The following DGCR2 variants were observed in gnomAD, a reference collection of about 807,000 sequenced individuals.
The protein encoded by DGCR2 is DiGeorge syndrome critical region gene 2.
Under a neutral mutation model 51.6 loss-of-function variants are expected in DGCR2, and 24 were observed. That is an observed-to-expected ratio of 0.47 (90% CI 0.34 to 0.65). DGCR2 has a LOEUF of 0.65. Among genes scored for constraint, DGCR2 ranks in the 30% least tolerant of loss-of-function variants. The pLI is 0.01. For synonymous variants in DGCR2, 340 were observed against 315.4 expected (o/e 1.08, Z -0.82); for missense variants, 765 against 772.1 (o/e 0.99, Z 0.11).
chr22:19,053,441 GAAC>G (rs1413978077), intron 6 of DGCR2, among the ~76,000 whole-genome samples: 1 of 152,130 alleles, frequency 6.6e-6, no homozygotes, highest in Admixed American at 6.6e-5. Context: ...CCTCCACCCA[GAAC>G]AACAATGCTG....
At chr22:19,042,802 C>T (rs868440972) in intron 7 of DGCR2, among the ~76,000 whole-genome samples, 1 of 152,162 alleles carries the variant, frequency 6.6e-6, no homozygotes, top group Non-Finnish European at 1.5e-5. Flanking sequence ...TGTGGGCAGC[C>T]GCACGGTCAA....
At chr22:19,074,587 G>A (rs560282466) in intron 2 of DGCR2, among the ~76,000 whole-genome samples, 3 of 152,006 alleles carry the variant, frequency 2.0e-5, no homozygotes, top group East Asian at 1.9e-4. Context: ...CTAAAACCAC[G>A]GAATTTAAAG....
intron 1 of DGCR2, among the ~76,000 whole-genome samples, chr22:19,100,509 C>CA (rs1234538053): frequency 1.3e-5 from 2 of 151,474 alleles, no homozygotes; most frequent in Non-Finnish European, 2.9e-5. Context: ...ACTAAAAACA[C>CA]AAAAAAATTA....
chr22:19,103,601 T>G (rs185019703), intron 1 of DGCR2, among the ~76,000 whole-genome samples: 1 of 150,380 alleles, frequency 6.6e-6, no homozygotes, highest in Admixed American at 6.6e-5. Flanking sequence ...GCTAATTTTT[T>G]GTATTTTTAG....
At chr22:19,116,543 C>T (rs1196410202) in intron 1 of DGCR2, among the ~76,000 whole-genome samples, 1 of 152,176 alleles carries the variant, frequency 6.6e-6, no homozygotes. Flanking sequence ...ATTACCGAGC[C>T]CACTCTGCAG....
At chr22:19,120,877 A>G (rs1253440945) in intron 1 of DGCR2, among the ~76,000 whole-genome samples, 1 of 152,224 alleles carries the variant, frequency 6.6e-6, no homozygotes, top group Non-Finnish European at 1.5e-5. Flanking sequence ...AGGCCACCCC[A>G]CAACTAGTCA....
At chr22:19,069,061 G>A (rs1015202297) in intron 2 of DGCR2, among the ~76,000 whole-genome samples, 2 of 152,210 alleles carry the variant, frequency 1.3e-5, no homozygotes, top group African/African-American at 4.8e-5. Flanking sequence ...TCATGGGCCC[G>A]CTCACCTCCC....
chr22:19,046,536 C>T (rs2082491329), intron 7 of DGCR2: 1 of 163,116 alleles, frequency 6.1e-6, no homozygotes, highest in Non-Finnish European at 1.4e-5. Flanking sequence ...CTGGCTTTGA[C>T]CTCAAGCACA....
intron 1 of DGCR2, among the ~76,000 whole-genome samples, chr22:19,121,247 T>C (rs1239721812): frequency 6.6e-6 from 1 of 152,228 alleles, no homozygotes. Flanking sequence ...ACTGTATTAA[T>C]ATACATACGA....
chr22:19,076,655 A>T (rs1206588398), intron 2 of DGCR2, among the ~76,000 whole-genome samples: 1 of 151,124 alleles, frequency 6.6e-6, no homozygotes, highest in East Asian at 1.9e-4. Flanking sequence ...GCATTTCTCT[A>T]ATCATTAATG....
chr22:19,091,803 G>C (rs2083081687), intron 1 of DGCR2, among the ~76,000 whole-genome samples: 1 of 151,890 alleles, frequency 6.6e-6, no homozygotes, highest in Non-Finnish European at 1.5e-5. Flanking sequence ...AGTTGGGTGT[G>C]GTGATGCACG....
At chr22:19,062,978 A>G (rs2082700212) in intron 5 of DGCR2, among the ~76,000 whole-genome samples, 1 of 152,166 alleles carries the variant, frequency 6.6e-6, no homozygotes, top group Non-Finnish European at 1.5e-5. Context: ...GGCCAAAGTG[A>G]GATGCAACAG....
intron 1 of DGCR2, among the ~76,000 whole-genome samples, chr22:19,096,975 T>C (rs2083148448): frequency 6.6e-6 from 1 of 151,614 alleles, no homozygotes; most frequent in African/African-American, 2.4e-5. Flanking sequence ...CGCCCTAACA[T>C]ATCATACCCT....
At chr22:19,083,924 G>GTTGGCCGGGCTAGTC (rs987872389) in intron 2 of DGCR2, among the ~76,000 whole-genome samples, 10 of 152,176 alleles carry the variant, frequency 6.6e-5, no homozygotes, top group African/African-American at 2.4e-4. Flanking sequence ...GTTTTGCTGT[G>GTTGGCCGGGCTAGTC]TTGGCCGGGC....
chr22:19,062,781 T>TCTCCTCTCTCTCTCCTCTCTCTC (rs2082689732), intron 5 of DGCR2, among the ~76,000 whole-genome samples: 1 of 135,776 alleles, frequency 7.4e-6, no homozygotes, highest in Non-Finnish European at 1.6e-5. Context: ...GCATGCTCAC[T>TCTCCTCTCTCTCTCCTCTCTCTC]CTCTCTCTCT....
chr22:19,097,450 G>A (rs2083154570), intron 1 of DGCR2, among the ~76,000 whole-genome samples: 1 of 152,148 alleles, frequency 6.6e-6, no homozygotes, highest in Non-Finnish European at 1.5e-5. Context: ...CTACTCTGGA[G>A]GCTGAGGCAG....
At chr22:19,089,561 G>C in intron 1 of DGCR2, 71 bp from the exon 2 acceptor site, 1 of 1,384,520 alleles carries the variant, frequency 7.2e-7, no homozygotes, top group Non-Finnish European at 9.5e-7. Flanking sequence ...CCATGGGCTG[G>C]ATCAATCTCT....
chr22:19,063,145 C>G, intron 5 of DGCR2, 57 bp downstream of exon 5: 1 of 1,538,522 alleles, frequency 6.5e-7, no homozygotes, highest in South Asian at 1.1e-5. Context: ...AGGGGAGGCC[C>G]CGAATCAGGG....
Position 19,041,941 on chromosome 22 carries a change from TCAAA to T in DGCR2, c.1021_1024del (p.Phe341ThrfsTer41), listed in dbSNP as rs1430793147. 1.9e-6 allele frequency: 3 copies of T among 1,612,356 alleles called. No individual in the cohort carries two copies. The highest frequency in any genetic ancestry group is 2.5e-6 in the Non-Finnish European group (3 of 1,179,562). On this transcript the variant is annotated frameshift_variant, in exon 8 of 10. Coordinates refer to ENST00000263196, the MANE Select transcript of DGCR2 (RefSeq NM_005137.3). LOFTEE classifies it high-confidence loss of function. ...CAGGCGCATCCCGCTGGCCATGGAG[TCAAA>T]CAGACTGTTGCCATCTGAGGGGGAG...
Sources: gnomAD v4.1 joint callset for allele counts (sites outside exome capture counted in the v4.1 genomes callset) on GRCh38, gnomAD v4.1.1 for gene constraint, MANE v1.5 for transcripts, NCBI Gene and HGNC (gene_info 2026-07-23, HGNC 2026-07-21) for gene names.